Variants in EXOSC2 observed in about 807,000 individuals in gnomAD.
The protein encoded by EXOSC2 is exosome component 2.
Under a neutral mutation model 37.6 loss-of-function variants are expected in EXOSC2, and 29 were observed. That is an observed-to-expected ratio of 0.77 (90% CI 0.57 to 1.05). The LOEUF (loss-of-function observed/expected upper bound fraction) is 1.05. Ranked by LOEUF, EXOSC2 falls within the 50% of genes least tolerant of loss-of-function variation. The pLI is 0.00. For missense variants in EXOSC2, 346 were observed against 365.6 expected, an observed-to-expected ratio of 0.95 and a Z score of 0.44; for synonymous variants, 119 against 131.1, an observed-to-expected ratio of 0.91 and a Z score of 0.63.
Position 130,697,582 on chromosome 9 carries a change from A to C in EXOSC2, c.225A>C (p.Arg75Ser). ...KLICVKALKT[R>S]YIGEVGDIVV... is the part of the protein sequence containing the mutation. ...GAACCCCTTGTGTTTTGTCTTTCAGATACATTGGTGAAGTAGGAGACATCG... is the reference window on the plus strand; with the variant it reads ...GAACCCCTTGTGTTTTGTCTTTCAGCTACATTGGTGAAGTAGGAGACATCG... Residue 75 changes from arginine (R) to serine (S), a missense_variant and splice_region_variant, in exon 3 of 9, where the codon AGA becomes AGC. Physicochemically the swap from Arg to Ser is moderately radical, Grantham distance 110. Transcript: ENST00000372358. 6.2e-7 allele frequency: 1 copy of C among 1,614,058 alleles called. No individual in the cohort carries two copies. The highest frequency in any genetic ancestry group is 1.7e-4 in the Middle Eastern group (1 of 6,060).
At chr9:130,696,257 A>C (rs909004009) in intron 2 of EXOSC2, among the ~76,000 whole-genome samples, 1 of 152,226 alleles carries the variant, frequency 6.6e-6, no homozygotes, top group Non-Finnish European at 1.5e-5. Flanking sequence ...TTAGCCCCAG[A>C]AAGCAAGCCA....
Position 130,693,836 on chromosome 9 carries a change from C to G in EXOSC2, c.45C>G (p.Ser15Arg), listed in dbSNP as rs367579263. Reference protein sequence around the residue: ...MRLPVARKPLSERLGRDTKKH... With the variant: ...MRLPVARKPLRERLGRDTKKH... Reference sequence around the variant, plus strand: ...TTCCAGTGGCTCGCAAGCCTCTTAGCGAGAGACTGGGCCGCGACACTAAGA... The same window carrying G: ...TTCCAGTGGCTCGCAAGCCTCTTAGGGAGAGACTGGGCCGCGACACTAAGA... Residue 15 changes from serine to arginine, a missense_variant, in exon 1 of 9, where the codon AGC becomes AGG. Coordinates refer to ENST00000372358, the MANE Select transcript of EXOSC2 (RefSeq NM_014285.7). 1.2e-5 allele frequency: 20 copies of G among 1,610,566 alleles called. No homozygotes were observed. Among genetic ancestry groups the G allele is most frequent in the African/African-American group, 4.0e-5 (3 of 74,670 alleles).
rs546648044 is a variant in EXOSC2 at position 130,698,348 on chromosome 9, G to T, written c.360+97G>T. On this transcript the variant is annotated intron_variant, in intron 4 of 8. Coordinates refer to ENST00000372358, the MANE Select transcript of EXOSC2 (RefSeq NM_014285.7). The surrounding 1 kb of genome is among the most constrained non-coding windows in gnomAD (Gnocchi z 4.1). ...CCAGAGGACTTTGATTTACACTGAG[G>T]TTGCCCCTTTGACTCCTGTTTGTCT... 1.0e-4 allele frequency: 117 copies of T among 1,118,106 alleles called. No individual in the cohort carries two copies. The African/African-American group carries it at 1.7e-3, about 16-fold the overall frequency. The allele number at this position is 1,118,106 out of a possible 1,614,324, so 69.3% of individuals were successfully genotyped here. A position where few individuals can be genotyped will look rare whatever the true frequency, so the allele number is the denominator to read the frequency against.
rs1403170525 is a variant in EXOSC2, at chr9:130,698,689, C to G, written c.360+438C>G. Among the ~76,000 whole-genome samples, 1 of 152,178 alleles carries G rather than the reference C, an allele frequency of 6.6e-6. No homozygotes were observed. The highest frequency in any genetic ancestry group is 2.4e-5 in the African/African-American group (1 of 41,432). ...GACAACCACAGTAACTAAGCCACAG[C>G]CTTTTGTAAAATGCCATGGTTCACC... On this transcript the variant is annotated intron_variant, in intron 4 of 8. Transcript: ENST00000372358. This position sits in a 1 kb window ranked among gnomAD's most constrained non-coding sequence, Gnocchi z 4.1.
Position 130,700,034 on chromosome 9 carries a change from T to C in EXOSC2, c.426+640T>C, listed in dbSNP as rs543061301. On this transcript the variant is annotated intron_variant, in intron 5 of 8. Coordinates refer to ENST00000372358, the MANE Select transcript of EXOSC2 (RefSeq NM_014285.7). ...TTTTATGTTATTTTTTAAATTTTTC[T>C]TTTTTTTTAATGACGGAGTCTTGCT... Among the ~76,000 whole-genome samples, 4 of 150,720 alleles carry C rather than the reference T, an allele frequency of 2.7e-5. No homozygotes were observed. The East Asian group carries it at 7.8e-4, about 29-fold the overall frequency.
In EXOSC2 at chr9:130,693,865, A is replaced by G; in HGVS notation, c.74A>G (p.His25Arg). The G allele has an allele frequency of 6.2e-7, 1 of 1,611,394 alleles. No individual in the cohort carries two copies. The highest frequency in any genetic ancestry group is 8.5e-7 in the Non-Finnish European group (1 of 1,178,376). ...AGACTGGGCCGCGACACTAAGAAACATCTAGTGGTGCCGGGGGATACAATC... is the reference window on the plus strand; with the variant it reads ...AGACTGGGCCGCGACACTAAGAAACGTCTAGTGGTGCCGGGGGATACAATC... Reference protein sequence around the residue: ...SERLGRDTKKHLVVPGDTITT... With the variant: ...SERLGRDTKKRLVVPGDTITT... Residue 25 changes from histidine (H) to arginine (R), a missense_variant, in exon 1 of 9, where the codon CAT (histidine) becomes CGT (arginine). By Grantham distance (29) the His-to-Arg change is conservative (BLOSUM62 0). Transcript: ENST00000372358.
In EXOSC2 at chr9:130,693,808, G is replaced by T. The variant is rs1485745692; in HGVS notation, c.17G>T (p.Arg6Met). 1.2e-6 allele frequency: 2 copies of T among 1,609,100 alleles called. No individual in the cohort carries two copies. Among genetic ancestry groups the T allele is most frequent in the Non-Finnish European group, 1.7e-6 (2 of 1,176,582 alleles). Residue 6 changes from arginine (R) to methionine (M), a missense_variant, in exon 1 of 9, where the codon AGG (arginine) becomes ATG (methionine). Transcript: ENST00000372358. MAMEM[R>M]LPVARKPLSE... Reference sequence around the variant, plus strand: ...GGCGCCAAGATGGCGATGGAGATGAGGCTTCCAGTGGCTCGCAAGCCTCTT... The same window carrying T: ...GGCGCCAAGATGGCGATGGAGATGATGCTTCCAGTGGCTCGCAAGCCTCTT...
chr9:130,701,955 C>T, intron 6 of EXOSC2, 179 bp from the exon 7 acceptor site: 3 of 1,414,786 alleles, frequency 2.1e-6, no homozygotes, highest in Non-Finnish European at 2.8e-6. Flanking sequence ...GTATGAATAG[C>T]CTCTGAGTCC....
intron 7 of EXOSC2, 39 bp downstream of exon 7, chr9:130,702,349 G>C: frequency 6.4e-7 from 1 of 1,566,820 alleles, no homozygotes; most frequent in African/African-American, 1.4e-5. Context: ...GGGATGGAGG[G>C]GGCTCAGTCT....
At chr9:130,693,952 G>A (rs1831037177) in intron 1 of EXOSC2, 39 bp downstream of exon 1, 3 of 1,564,398 alleles carry the variant, frequency 1.9e-6, no homozygotes, top group Non-Finnish European at 2.6e-6. Flanking sequence ...TTCAGAGAGC[G>A]GCTTCAGGGC....
chr9:130,701,533 C>T (rs1269287546), intron 6 of EXOSC2: 9 of 962,636 alleles, frequency 9.3e-6, no homozygotes, highest in Non-Finnish European at 1.1e-5. Flanking sequence ...GAACAAAAAC[C>T]TCTTCCCTTA....
Position 130,703,765 on chromosome 9 carries a change from G to A in EXOSC2, c.873G>A (p.Gln291=), listed in dbSNP as rs34680820. 34,080 of 1,613,062 alleles carry A rather than the reference G, an allele frequency of 0.021. 455 individuals are homozygous for A. The highest frequency in any genetic ancestry group is 0.026 in the Non-Finnish European group (30,678 of 1,179,304). ...AAACACGCCAGAGGCTTTTGGAACA[G>A]GAGGGATAAGGAGGTGCTCCAGAAG... The part of the protein sequence containing the change: ...VMETRQRLLE[Q]EG The change falls in exon 9 of 9, where the codon CAG becomes CAA. Residue 291 remains glutamine (Q), a synonymous_variant. Transcript: ENST00000372358.
chr9:130,697,782 C>G, intron 3 of EXOSC2, 155 bp downstream of exon 3: 1 of 698,350 alleles, frequency 1.4e-6, no homozygotes, highest in East Asian at 2.8e-5. Context: ...TGTTCGATTT[C>G]AGATTACTGG....
At chr9:130,696,199 G>A (rs1831093621) in intron 2 of EXOSC2, among the ~76,000 whole-genome samples, 1 of 152,178 alleles carries the variant, frequency 6.6e-6, no homozygotes, top group Non-Finnish European at 1.5e-5. Flanking sequence ...GATGGTGCCT[G>A]TAAAGTATTT....
Position 130,693,803 on chromosome 9 carries a change from G to T in EXOSC2, c.12G>T (p.Glu4Asp), listed in dbSNP as rs376591547. 4 of 1,607,950 alleles carry T rather than the reference G, an allele frequency of 2.5e-6. No homozygotes were observed. The highest frequency in any genetic ancestry group is 1.1e-5 in the South Asian group (1 of 90,832). Residue 4 changes from glutamate to aspartate, a missense_variant, in exon 1 of 9, where the codon GAG becomes GAT. Physicochemically the swap from Glu to Asp is conservative, Grantham distance 45. Coordinates refer to ENST00000372358, the MANE Select transcript of EXOSC2 (RefSeq NM_014285.7). ...TCATTGGCGCCAAGATGGCGATGGA[G>T]ATGAGGCTTCCAGTGGCTCGCAAGC... MAM[E>D]MRLPVARKPL...
rs1303114937 is a variant in EXOSC2 at position 130,701,694 on chromosome 9, A to G, written c.496-440A>G. On this transcript the variant is annotated intron_variant, in intron 6 of 8. Transcript: ENST00000372358. ...CTGCCAGGACCAGACATGGATTTGC[A>G]CCCAGCTCCACCCATCTCCTTACCT... 3 of 858,992 alleles carry G rather than the reference A, an allele frequency of 3.5e-6. No homozygotes were observed. In the African/African-American group the frequency reaches 5.5e-5, roughly 16 times the overall value. 53.2% of individuals were successfully genotyped at this position (858,992 alleles called of 1,614,324 possible). A position where few individuals can be genotyped will look rare whatever the true frequency, so the allele number is the denominator to read the frequency against.
Position 130,702,139 on chromosome 9 carries a change from T to C in EXOSC2, c.501T>C (p.Gly167=), listed in dbSNP as rs760419751. The C allele has an allele frequency of 3.2e-5, 51 of 1,613,918 alleles. No homozygotes were observed. Among genetic ancestry groups the C allele is most frequent in the Non-Finnish European group, 2.5e-6 (3 of 1,180,002 alleles). The part of the protein sequence containing the change: ...HTRSLKYGKL[G]QGVLVQVSPS... ...TTCGTGATATATTTCTTTAGCTAGG[T>C]CAGGGGGTTTTGGTCCAGGTTTCCC... The change falls in exon 7 of 9, where the codon GGT becomes GGC. Residue 167 remains glycine, a synonymous_variant. Transcript: ENST00000372358.
chr9:130,695,375 G>A, intron 1 of EXOSC2, 117 bp from the exon 2 acceptor site: 2 of 844,368 alleles, frequency 2.4e-6, no homozygotes, highest in East Asian at 2.5e-5. Flanking sequence ...AGCCAGCACA[G>A]AAGCCACGCT....
At chr9:130,695,164 T>C (rs1000645967) in intron 1 of EXOSC2, among the ~76,000 whole-genome samples, 2 of 152,196 alleles carry the variant, frequency 1.3e-5, no homozygotes, top group Non-Finnish European at 2.9e-5. Context: ...TTATTCAGAA[T>C]GTTAGGCAAT....
Sources: gnomAD v4.1 joint callset for allele counts (sites outside exome capture counted in the v4.1 genomes callset) on GRCh38, gnomAD v4.1.1 for gene constraint, Gnocchi (gnomAD v3.1) non-coding constraint, MANE v1.5 for transcripts, NCBI Gene and HGNC (gene_info 2026-07-23, HGNC 2026-07-21) for gene names.